Variants in ZNRF1 observed in about 807,000 individuals in gnomAD.
ZNRF1 encodes the protein E3 ubiquitin-protein ligase ZNRF1.
In ZNRF1, 3 loss-of-function variants were observed where a neutral mutation model predicts 18.4. The observed-to-expected ratio is 0.16, with a 90% CI of 0.07 to 0.42. ZNRF1 has a LOEUF of 0.42. Among genes scored for constraint, ZNRF1 ranks in the 10% least tolerant of loss-of-function variants. The probability of loss-of-function intolerance (pLI) is 0.99; values close to 1 mark genes in which losing one functional copy is unlikely to be tolerated. For missense variants in ZNRF1, 310 were observed against 329.8 expected, an observed-to-expected ratio of 0.94 and a Z score of 0.47; for synonymous variants, 157 against 144.2, an observed-to-expected ratio of 1.09 and a Z score of -0.64.
At chr16:75,086,709 C>T (rs374979917) in intron 1 of ZNRF1, among the ~76,000 whole-genome samples, 4 of 152,256 alleles carry the variant, frequency 2.6e-5, no homozygotes, top group African/African-American at 7.2e-5. Flanking sequence ...GAGGATGTGA[C>T]GGAAAGATTG....
chr16:75,053,889 C>G (rs1021418924), intron 1 of ZNRF1, among the ~76,000 whole-genome samples: 1 of 152,190 alleles, frequency 6.6e-6, no homozygotes, highest in Non-Finnish European at 1.5e-5. Context: ...TTCAGGTCAC[C>G]TCTGCTGGCT....
Position 75,074,660 on chromosome 16 carries a change from CAG to C in ZNRF1, c.425-18911_425-18910del, listed in dbSNP as rs1567487442. Reference sequence around the variant, plus strand: ...GCAGCAAACCAAGACATGGACACCTCAGGGGAAAATCAGATAGGACTGACCCT... The same window carrying C: ...GCAGCAAACCAAGACATGGACACCTCGGGAAAATCAGATAGGACTGACCCT... On this transcript the variant is annotated intron_variant, in intron 1 of 4. Coordinates refer to ENST00000335325, the MANE Select transcript of ZNRF1 (RefSeq NM_032268.5). Among the ~76,000 whole-genome samples, 7 of 152,236 alleles carry C rather than the reference CAG, an allele frequency of 4.6e-5. No homozygotes were observed. In the South Asian group the frequency reaches 1.2e-3, roughly 27 times the overall value.
At chr16:75,018,377 GTT>G (rs2035099310) in intron 1 of ZNRF1, among the ~76,000 whole-genome samples, 1 of 152,138 alleles carries the variant, frequency 6.6e-6, no homozygotes, top group African/African-American at 2.4e-5. Context: ...AATAATGACT[GTT>G]TTGTTTCCTC....
intron 1 of ZNRF1, among the ~76,000 whole-genome samples, chr16:75,043,156 A>G (rs2035471407): frequency 6.6e-6 from 1 of 152,222 alleles, no homozygotes; most frequent in South Asian, 2.1e-4. Flanking sequence ...CCTTTGTTTT[A>G]AAGCCGTATT....
chr16:75,069,764 A>G (rs2035847725), intron 1 of ZNRF1, among the ~76,000 whole-genome samples: 1 of 152,096 alleles, frequency 6.6e-6, no homozygotes, highest in African/African-American at 2.4e-5. Context: ...TCCAGTCCAG[A>G]TCTTCCCCCT....
At chr16:75,031,550 C>G (rs745515735) in intron 1 of ZNRF1, among the ~76,000 whole-genome samples, 1 of 152,042 alleles carries the variant, frequency 6.6e-6, no homozygotes, top group Non-Finnish European at 1.5e-5. Flanking sequence ...CTTTGTCCCC[C>G]AGGCTGGAGA....
rs578151682 is a variant in ZNRF1 at position 75,024,958 on chromosome 16, A to T, written c.424+24863A>T. 4.6e-5 allele frequency among the ~76,000 whole-genome samples: 7 copies of T among 152,372 alleles called. No individual in the cohort carries two copies. The South Asian group carries it at 1.4e-3, about 32-fold the overall frequency. On this transcript the variant is annotated intron_variant, in intron 1 of 4. Transcript: ENST00000335325. The stretch of plus-strand genomic sequence containing the variant: ...GATGAATGGGTGTGTGTAAAGCCGT[A>T]GAAAGCACATTATGCTTGTTTCACA...
intron 1 of ZNRF1, among the ~76,000 whole-genome samples, chr16:75,032,025 A>G (rs891588480): frequency 3.3e-5 from 5 of 151,996 alleles, no homozygotes; most frequent in Admixed American, 3.3e-4. Context: ...TCTATTTGAT[A>G]ATAGCAGTCA....
intron 1 of ZNRF1, among the ~76,000 whole-genome samples, chr16:75,057,394 G>A (rs2035682335): frequency 6.6e-6 from 1 of 152,066 alleles, no homozygotes; most frequent in African/African-American, 2.4e-5. Flanking sequence ...TTTGGTCCTG[G>A]ATAAAGAGGT....
At chr16:75,082,250 C>T (rs906152824) in intron 1 of ZNRF1, among the ~76,000 whole-genome samples, 9 of 152,100 alleles carry the variant, frequency 5.9e-5, no homozygotes, top group East Asian at 2.0e-4. Context: ...CCTGCTTCCC[C>T]GTCATTTCCT....
chr16:75,087,786 T>G (rs1037710233), intron 1 of ZNRF1, among the ~76,000 whole-genome samples: 1 of 152,250 alleles, frequency 6.6e-6, no homozygotes, highest in Admixed American at 6.5e-5. Context: ...TGAACCAGTA[T>G]CAGGCTTGGC....
intron 1 of ZNRF1, among the ~76,000 whole-genome samples, chr16:75,091,707 T>C (rs1204206982): frequency 6.6e-6 from 1 of 151,812 alleles, no homozygotes; most frequent in East Asian, 2.0e-4. Flanking sequence ...TAATTTTTTT[T>C]TGTAATTTTT....
intron 1 of ZNRF1, among the ~76,000 whole-genome samples, chr16:75,053,966 C>T (rs1228462911): frequency 6.6e-6 from 1 of 152,234 alleles, no homozygotes; most frequent in Non-Finnish European, 1.5e-5. Flanking sequence ...TCTTCCCAAG[C>T]CATGGTCAAA....
chr16:75,020,065 T>A (rs533238081), intron 1 of ZNRF1, among the ~76,000 whole-genome samples: 1 of 152,324 alleles, frequency 6.6e-6, no homozygotes, highest in Non-Finnish European at 1.5e-5. Flanking sequence ...TTTTTTTTAA[T>A]GACTGAATTT....
intron 1 of ZNRF1, among the ~76,000 whole-genome samples, chr16:75,074,368 C>T (rs2035912279): frequency 6.6e-6 from 1 of 152,098 alleles, no homozygotes; most frequent in Admixed American, 6.5e-5. Context: ...TTCCAACAGC[C>T]CCTTGAGAGG....
chr16:75,021,118 G>A (rs1005719138), intron 1 of ZNRF1, among the ~76,000 whole-genome samples: 1 of 152,144 alleles, frequency 6.6e-6, no homozygotes, highest in African/African-American at 2.4e-5. Flanking sequence ...TCAGCTCAGT[G>A]CAACGTCCAC....
In ZNRF1 at chr16:75,108,109, AC is replaced by A; in HGVS notation, c.*410del. The A allele has an allele frequency of 8.4e-6, 2 of 237,108 alleles. No individual in the cohort carries two copies. The highest frequency in any genetic ancestry group is 1.7e-5 in the Non-Finnish European group (2 of 117,482). The allele number at this position is 237,108 out of a possible 1,614,324, so 14.7% of individuals were successfully genotyped here. A position where few individuals can be genotyped will look rare whatever the true frequency, so the allele number is the denominator to read the frequency against. On this transcript the variant is annotated 3_prime_UTR_variant, in exon 5 of 5. Coordinates refer to ENST00000335325, the MANE Select transcript of ZNRF1 (RefSeq NM_032268.5). ...CCAGCCATAACCCACTCAGTGACAG[AC>A]GAACACAGCTAAGGCCTCGCTGCCA...
intron 2 of ZNRF1, among the ~76,000 whole-genome samples, chr16:75,100,895 T>C (rs2036247414): frequency 6.6e-6 from 1 of 152,208 alleles, no homozygotes; most frequent in Non-Finnish European, 1.5e-5. Context: ...TTGAGGTTTT[T>C]CCCTCTGTTT....
rs754519396 is a variant in ZNRF1 at position 75,000,064 on chromosome 16, C to T, written c.393C>T (p.His131=). The T allele has an allele frequency of 6.2e-7, 1 of 1,602,456 alleles. No homozygotes were observed. The highest frequency in any genetic ancestry group is 1.1e-5 in the South Asian group (1 of 88,466). Residue 131 remains histidine, a synonymous_variant, in exon 1 of 5, where the codon CAC becomes CAT. Coordinates refer to ENST00000335325, the MANE Select transcript of ZNRF1 (RefSeq NM_032268.5). The stretch of plus-strand genomic sequence containing the variant: ...CGCTGGCGGATGCTCTACCTCTGCA[C>T]ATCGCACCCAGGTGGTTCAGCTCGC... ...RASLADALPL[H]IAPRWFSSHS...
Sources: allele counts gnomAD v4.1 joint callset (sites outside exome capture counted in the v4.1 genomes callset), GRCh38; gene constraint gnomAD v4.1.1; transcripts MANE v1.5; gene names NCBI Gene and HGNC (gene_info 2026-07-23, HGNC 2026-07-21).